The following ULK4 variants were observed in gnomAD, a reference collection of about 807,000 sequenced individuals.
ULK4 encodes the protein inactive serine/threonine-protein kinase ULK4.
In ULK4, 133 loss-of-function variants were observed where a neutral mutation model predicts 160.6. The ratio of observed to expected loss-of-function variants is 0.83; its 90% CI spans 0.72 to 0.96. The LOEUF (loss-of-function observed/expected upper bound fraction) is 0.96, where lower values mean the gene tolerates loss of function less well. ULK4 is among the 40% of genes least tolerant of loss of function. The probability of loss-of-function intolerance (pLI) is 0.00; values close to 1 mark genes in which losing one functional copy is unlikely to be tolerated. For synonymous variants in ULK4, 534 were observed against 539.8 expected (o/e 0.99, Z 0.15); for missense variants, 1,580 against 1,499.5 (o/e 1.05, Z -0.89).
chr3:41,798,716 T>A (rs2040370206), intron 20 of ULK4, among the ~76,000 whole-genome samples: 1 of 150,818 alleles, frequency 6.6e-6, no homozygotes, highest in East Asian at 2.0e-4. Context: ...TGGCTAGGAA[T>A]GGGGGGATAT....
rs540285935 is a variant in ULK4 at position 41,828,993 on chromosome 3, A to C, written c.1764+6871T>G. ...ACAGAGCCCTCAGAAATAATGCCAC[A>C]TATCTACAACTATCTGATCTTTGAC... On this transcript the variant is annotated intron_variant, in intron 18 of 36. Coordinates refer to ENST00000301831, the MANE Select transcript of ULK4 (RefSeq NM_017886.4). 8.5e-4 allele frequency among the ~76,000 whole-genome samples: 128 copies of C among 151,344 alleles called. 1 individual carries two copies. Among genetic ancestry groups the C allele is most frequent in the African/African-American group, 3.1e-3 (125 of 40,918 alleles).
chr3:41,645,108 G>A (rs1006476546), intron 30 of ULK4, among the ~76,000 whole-genome samples: 13 of 151,682 alleles, frequency 8.6e-5, no homozygotes, highest in African/African-American at 3.1e-4. Flanking sequence ...GTCTTGCCAG[G>A]GGTCTATCAA....
intron 21 of ULK4, among the ~76,000 whole-genome samples, chr3:41,777,775 G>A (rs1446259591): frequency 7.3e-6 from 1 of 137,330 alleles, no homozygotes; most frequent in African/African-American, 2.8e-5. Context: ...TGATTGCACT[G>A]TGGTCTGAGA....
At chr3:41,651,519 C>T (rs540856029) in intron 30 of ULK4, among the ~76,000 whole-genome samples, 1 of 152,208 alleles carries the variant, frequency 6.6e-6, no homozygotes, top group East Asian at 1.9e-4. Flanking sequence ...TTTGTTTTGC[C>T]CACCTCAGTG....
intron 35 of ULK4, among the ~76,000 whole-genome samples, chr3:41,348,180 G>A (rs548736731): frequency 2.6e-5 from 3 of 117,514 alleles, no homozygotes; most frequent in South Asian, 2.8e-4. Flanking sequence ...TTGCACTCCA[G>A]CCTAGGCAAA....
chr3:41,771,689 C>A (rs946948254), intron 21 of ULK4, among the ~76,000 whole-genome samples: 1 of 152,050 alleles, frequency 6.6e-6, no homozygotes, highest in African/African-American at 2.4e-5. Flanking sequence ...CACACACAAA[C>A]CCCTCAAAGA....
At chr3:41,628,695 A>C (rs1239643942) in intron 30 of ULK4, among the ~76,000 whole-genome samples, 1 of 152,198 alleles carries the variant, frequency 6.6e-6, no homozygotes, top group African/African-American at 2.4e-5. Flanking sequence ...AAAATGGGTG[A>C]AACTGGAGTA....
chr3:41,384,688 G>A (rs150868242), intron 35 of ULK4, among the ~76,000 whole-genome samples: 8 of 152,036 alleles, frequency 5.3e-5, no homozygotes, highest in Non-Finnish European at 1.2e-4. Context: ...AGGTACAAGC[G>A]ATTCTCCTGC....
chr3:41,740,212 C>T (rs532964163), intron 22 of ULK4, among the ~76,000 whole-genome samples: 2 of 151,990 alleles, frequency 1.3e-5, no homozygotes, highest in African/African-American at 4.8e-5. Flanking sequence ...TTTCCCCACA[C>T]AGTTAACCAA....
At chr3:41,517,872 G>A (rs976449673) in intron 32 of ULK4, among the ~76,000 whole-genome samples, 4 of 152,160 alleles carry the variant, frequency 2.6e-5, no homozygotes, top group East Asian at 1.9e-4. Context: ...TGGTGCAAAG[G>A]TAATTGTGTA....
intron 2 of ULK4, among the ~76,000 whole-genome samples, chr3:41,950,248 G>A (rs1396682639): frequency 1.3e-5 from 2 of 151,344 alleles, no homozygotes; most frequent in Non-Finnish European, 2.9e-5. Flanking sequence ...CACCACCCCC[G>A]GCTAATTTTT....
chr3:41,301,059 C>A (rs2079785928), intron 35 of ULK4, among the ~76,000 whole-genome samples: 1 of 151,092 alleles, frequency 6.6e-6, no homozygotes, highest in Non-Finnish European at 1.5e-5. Context: ...TGGAGCAGGA[C>A]TAGGCTCAGA....
chr3:41,693,525 C>T (rs1246606593), intron 27 of ULK4, among the ~76,000 whole-genome samples: 1 of 151,994 alleles, frequency 6.6e-6, no homozygotes, highest in Non-Finnish European at 1.5e-5. Context: ...TTCTAACACT[C>T]ATTATTAAAT....
chr3:41,898,298 T>G, intron 14 of ULK4, 134 bp downstream of exon 14: 1 of 586,146 alleles, frequency 1.7e-6, no homozygotes, highest in Admixed American at 3.2e-5. Flanking sequence ...CGTGTAACAC[T>G]GCCCCAAGAA....
At chr3:41,361,637 TA>T (rs2125772854) in intron 35 of ULK4, among the ~76,000 whole-genome samples, 1 of 152,334 alleles carries the variant, frequency 6.6e-6, no homozygotes, top group South Asian at 2.1e-4. Context: ...TGTGACTGAC[TA>T]GAACCTTTTT....
At chr3:41,724,210 T>G (rs902705450) in intron 22 of ULK4, among the ~76,000 whole-genome samples, 2 of 152,230 alleles carry the variant, frequency 1.3e-5, no homozygotes, top group African/African-American at 4.8e-5. Context: ...TACTTACTCG[T>G]TTTGTTGTGG....
chr3:41,665,195 T>C (rs2035314424), intron 29 of ULK4, among the ~76,000 whole-genome samples: 1 of 152,164 alleles, frequency 6.6e-6, no homozygotes, highest in Non-Finnish European at 1.5e-5. Flanking sequence ...GCTTATTTAC[T>C]CTCATTTTGG....
intron 34 of ULK4, among the ~76,000 whole-genome samples, chr3:41,412,789 G>C (rs2082435806): frequency 6.6e-6 from 1 of 151,700 alleles, no homozygotes; most frequent in Non-Finnish European, 1.5e-5. Flanking sequence ...TCGAACTCCT[G>C]GCCTCAAGTA....
At chr3:41,903,463 T>A (rs942805366) in intron 12 of ULK4, among the ~76,000 whole-genome samples, 42 of 152,118 alleles carry the variant, frequency 2.8e-4, no homozygotes, top group African/African-American at 9.9e-4. Flanking sequence ...CGGGTGCCTG[T>A]GGTCCCAGCT....
Sources: allele counts gnomAD v4.1 joint callset (sites outside exome capture counted in the v4.1 genomes callset), GRCh38; gene constraint gnomAD v4.1.1; transcripts MANE v1.5; gene names NCBI Gene and HGNC (gene_info 2026-07-23, HGNC 2026-07-21).